Variants in TMOD2 observed in about 807,000 individuals in gnomAD.
TMOD2 encodes the protein tropomodulin 2, also known as tropomodulin-2.
In TMOD2, 22 loss-of-function variants were observed where a neutral mutation model predicts 39.9. The observed-to-expected ratio is 0.55, with a 90% CI of 0.39 to 0.79. The LOEUF is 0.79. TMOD2 is among the 30% of genes least tolerant of loss of function. The pLI, the probability that TMOD2 is intolerant of heterozygous loss-of-function variation, is 0.00. For missense variants in TMOD2, 386 were observed against 413.3 expected (o/e 0.93, Z 0.57); for synonymous variants, 123 against 146.1 (o/e 0.84, Z 1.14).
intron 6 of TMOD2, 87 bp from the exon 7 acceptor site, chr15:51,782,634 C>G: frequency 1.0e-6 from 1 of 997,322 alleles, no homozygotes; most frequent in Non-Finnish European, 1.6e-6. Context: ...TCTACACATA[C>G]CTGGTATTTA....
chr15:51,756,437 A>C (rs1191957289), intron 1 of TMOD2: 2 of 152,234 alleles, frequency 1.3e-5, no homozygotes, highest in East Asian at 3.8e-4. Context: ...TAATATGTAC[A>C]TGGTCACCTT....
chr15:51,771,886 A>C (rs1192287698), intron 3 of TMOD2, among the ~76,000 whole-genome samples: 2 of 152,170 alleles, frequency 1.3e-5, no homozygotes, highest in East Asian at 3.9e-4. Context: ...TTTCTGAGAA[A>C]TGTGGCAGCT....
intron 1 of TMOD2, chr15:51,756,253 T>C (rs532456015): frequency 6.6e-6 from 1 of 152,352 alleles, no homozygotes; most frequent in East Asian, 1.9e-4. Flanking sequence ...ATGGTGGCTT[T>C]CTACACCTGG....
At chr15:51,772,383 A>G (rs183601358) in intron 3 of TMOD2, among the ~76,000 whole-genome samples, 1 of 152,194 alleles carries the variant, frequency 6.6e-6, no homozygotes, top group African/African-American at 2.4e-5. Context: ...GGGTGTTTTG[A>G]TCATGGCTCT....
intron 1 of TMOD2, among the ~76,000 whole-genome samples, chr15:51,754,165 A>C (rs948877267): frequency 1.3e-5 from 2 of 152,146 alleles, no homozygotes; most frequent in African/African-American, 4.8e-5. Context: ...GTAATTCTCC[A>C]TACCTAAGAA....
At chr15:51,757,401 C>CAAAA (rs3078133) in intron 1 of TMOD2, among the ~76,000 whole-genome samples, 2 of 81,900 alleles carry the variant, frequency 2.4e-5, no homozygotes, top group African/African-American at 4.8e-5. Context: ...GACTCCGTCT[C>CAAAA]AAAAAAAAAA....
chr15:51,781,184 T>C lies in TMOD2; in HGVS notation c.624+10T>C. The C allele has an allele frequency of 4.4e-6, 7 of 1,591,262 alleles. No homozygotes were observed. Among genetic ancestry groups the C allele is most frequent in the Non-Finnish European group, 4.3e-6 (5 of 1,173,020 alleles). ...CCTCAACAACATTAAGGTATTTCATTGTGATTATCATCAGTCAGTTAATTT... is the reference window on the plus strand; with the variant it reads ...CCTCAACAACATTAAGGTATTTCATCGTGATTATCATCAGTCAGTTAATTT... On this transcript the variant is annotated intron_variant, in intron 6 of 9. Transcript: ENST00000249700.
rs1595864688 is a variant in TMOD2 at position 51,768,182 on chromosome 15, G to A, written c.127-80G>A. 17 of 1,503,392 alleles carry A rather than the reference G, an allele frequency of 1.1e-5. No homozygotes were observed. The South Asian group carries it at 1.9e-4, about 16-fold the overall frequency. 93.1% of individuals were successfully genotyped at this position (1,503,392 alleles called of 1,614,324 possible). ...ATCCTTCCTGCTTCCCCAGCACATA[G>A]TGAGTGGGGGTGGAAGAGGAAGTAG... On this transcript the variant is annotated intron_variant, in intron 2 of 9. Transcript: ENST00000249700.
intron 7 of TMOD2, among the ~76,000 whole-genome samples, chr15:51,792,367 A>G (rs2056018352): frequency 6.6e-6 from 1 of 152,168 alleles, no homozygotes. Context: ...GAAACAACAG[A>G]TGCTGGAGAG....
chr15:51,781,200 C>A, intron 6 of TMOD2, 26 bp downstream of exon 6: 1 of 1,576,428 alleles, frequency 6.3e-7, no homozygotes, highest in South Asian at 1.2e-5. Flanking sequence ...TATCATCAGT[C>A]AGTTAATTTA....
intron 8 of TMOD2, among the ~76,000 whole-genome samples, chr15:51,804,548 C>G (rs1408873134): frequency 6.6e-6 from 1 of 151,508 alleles, no homozygotes; most frequent in Non-Finnish European, 1.5e-5. Flanking sequence ...TCTAAACAAG[C>G]CTGTACGTTT....
intron 7 of TMOD2, among the ~76,000 whole-genome samples, chr15:51,792,513 G>T (rs2056019041): frequency 6.6e-6 from 1 of 152,080 alleles, no homozygotes; most frequent in Non-Finnish European, 1.5e-5. Flanking sequence ...TTAATAACTG[G>T]ACATATACCC....
intron 4 of TMOD2, among the ~76,000 whole-genome samples, chr15:51,775,419 A>C (rs2141622644): frequency 6.6e-6 from 1 of 152,280 alleles, no homozygotes; most frequent in Middle Eastern, 3.4e-3. Flanking sequence ...AAAACCTGGC[A>C]ATGGGAGCCA....
rs1177523861 is a variant in TMOD2, at chr15:51,791,251, A to G, written c.733-6946A>G. Among the ~76,000 whole-genome samples the G allele has an allele frequency of 3.3e-5, 5 of 152,204 alleles. No individual in the cohort carries two copies. The East Asian group carries it at 9.6e-4, about 29-fold the overall frequency. On this transcript the variant is annotated intron_variant, in intron 7 of 9. Coordinates refer to ENST00000249700, the MANE Select transcript of TMOD2 (RefSeq NM_014548.4). ...AATCATGAGTGAACTCTCATTCACAATTGCTACAAAGAGAATAAAATACCT... is the reference window on the plus strand; with the variant it reads ...AATCATGAGTGAACTCTCATTCACAGTTGCTACAAAGAGAATAAAATACCT...
At chr15:51,799,100 A>T (rs1040040722) in intron 8 of TMOD2, among the ~76,000 whole-genome samples, 1 of 152,160 alleles carries the variant, frequency 6.6e-6, no homozygotes, top group Non-Finnish European at 1.5e-5. Flanking sequence ...GCCCACAGAC[A>T]GCAACTCTCA....
rs897889246 is a variant in TMOD2 at position 51,806,323 on chromosome 15, C to G, written c.877-54C>G. 3.1e-6 allele frequency: 5 copies of G among 1,600,904 alleles called. No homozygotes were observed. The African/African-American group carries it at 6.7e-5, about 21-fold the overall frequency. On this transcript the variant is annotated intron_variant, in intron 8 of 9. Transcript: ENST00000249700. ...CCTTGTCTTTTTCCTGTGCAAGTAA[C>G]TGTTTCCTCTTCCTTCTTGGTCATC...
chr15:51,751,601 A>C lies in TMOD2; in HGVS notation c.-181A>C. 1 of 243,378 alleles carries C rather than the reference A, an allele frequency of 4.1e-6. No individual in the cohort carries two copies. Among genetic ancestry groups the C allele is most frequent in the Admixed American group, 5.6e-5 (1 of 17,736 alleles). The allele number at this position is 243,378 out of a possible 1,614,324, so 15.1% of individuals were successfully genotyped here. Reference sequence around the variant, plus strand: ...GCGCCCGGCCGGGAGCCGCCTGTTGATCGCCGCGCTCGCCCCGGCCACGGC... The same window carrying C: ...GCGCCCGGCCGGGAGCCGCCTGTTGCTCGCCGCGCTCGCCCCGGCCACGGC... On this transcript the variant is annotated 5_prime_UTR_variant, in exon 1 of 10. Transcript: ENST00000249700.
intron 5 of TMOD2, 84 bp downstream of exon 5, chr15:51,777,102 A>G (rs1567239449): frequency 3.5e-6 from 4 of 1,130,998 alleles, no homozygotes; most frequent in Admixed American, 1.9e-5. Context: ...TGAGTCTTGC[A>G]GGCTTTACAC....
At chr15:51,753,357 G>T (rs2055720330) in intron 1 of TMOD2, among the ~76,000 whole-genome samples, 1 of 152,174 alleles carries the variant, frequency 6.6e-6, no homozygotes, top group Non-Finnish European at 1.5e-5. Context: ...GGAACCAAAT[G>T]ACCAAGTTTA....
Sources: allele counts gnomAD v4.1 joint callset (sites outside exome capture counted in the v4.1 genomes callset), GRCh38; gene constraint gnomAD v4.1.1; transcripts MANE v1.5; gene names NCBI Gene and HGNC (gene_info 2026-07-23, HGNC 2026-07-21).